MMP27: variants seen among roughly 807,000 people sequenced by gnomAD.
MMP27 encodes the protein matrix metalloproteinase-27.
In MMP27, 51 loss-of-function variants were observed where a neutral mutation model predicts 48.1. The observed-to-expected ratio is 1.06, with a 90% CI of 0.85 to 1.34. The LOEUF is 1.34. Among genes scored for constraint, MMP27 ranks in the 40% most tolerant of loss-of-function variants. The pLI is 0.00. For missense variants in MMP27, 698 were observed against 619.3 expected (o/e 1.13, Z -1.35); for synonymous variants, 229 against 208.9 (o/e 1.10, Z -0.83).
chr11:102,704,080 C>T (rs1419363774), intron 2 of MMP27, among the ~76,000 whole-genome samples: 2 of 152,148 alleles, frequency 1.3e-5, no homozygotes, highest in Non-Finnish European at 2.9e-5. Flanking sequence ...GGGAAACACC[C>T]TACTTTGCTC....
Position 102,703,006 on chromosome 11 carries a change from C to A in MMP27, c.454G>T (p.Gly152Trp). Reference sequence around the variant, plus strand: ...AAGGCAATCATGATGTCTGCAATCCCCTTTGAAATCTTGGTGAATTTTAGT... The same window carrying A: ...AAGGCAATCATGATGTCTGCAATCCACTTTGAAATCTTGGTGAATTTTAGT... ...TPLKFTKISK[G>W]IADIMIAFRT... Residue 152 changes from glycine (G) to tryptophan (W), a missense_variant, in exon 3 of 10, where the codon GGG (glycine) becomes TGG (tryptophan). Physicochemically the swap from Gly to Trp is radical, Grantham distance 184. Transcript: ENST00000260229. The A allele has an allele frequency of 6.2e-7, 1 of 1,614,144 alleles. No individual in the cohort carries two copies. The highest frequency in any genetic ancestry group is 8.5e-7 in the Non-Finnish European group (1 of 1,180,006).
At position 102,696,730 on chromosome 11, in the gene MMP27, T is replaced by C; in HGVS notation, c.725A>G (p.Asp242Gly). The part of the protein sequence containing the change: ...ALMFPNYVSL[D>G]PRKYPLSQDD... ...CTGAGAAAGTGGGTATTTTCTGGGA[T>C]CCAGGGAGACATAATTTGGGAACAT... is the stretch of plus-strand genomic sequence containing the variant. The change falls in exon 5 of 10, where the codon GAT becomes GGT. Residue 242 changes from aspartate to glycine, a missense_variant. By Grantham distance (94) the Asp-to-Gly change is moderately conservative. Transcript: ENST00000260229. The C allele has an allele frequency of 6.2e-7, 1 of 1,613,908 alleles. No individual in the cohort carries two copies. The highest frequency in any genetic ancestry group is 1.1e-5 in the South Asian group (1 of 91,062).
intron 6 of MMP27, 133 bp from the exon 7 acceptor site, chr11:102,695,230 C>T (rs1860802630): frequency 9.4e-7 from 1 of 1,060,922 alleles, no homozygotes; most frequent in Non-Finnish European, 1.4e-6. Flanking sequence ...GCATAATTTT[C>T]CCCAGTAAAT....
rs146002313 is a variant in MMP27 at position 102,704,601 on chromosome 11, C to T, written c.277G>A (p.Val93Met). 2.2e-5 allele frequency: 35 copies of T among 1,614,170 alleles called. No homozygotes were observed. The highest frequency in any genetic ancestry group is 3.3e-4 in the Middle Eastern group (2 of 6,062). Reference sequence around the variant, plus strand: ...TAGCCATACTGGCCCACATCAGGCACCCCACACCTGGGTGTCTTCATGATC... The same window carrying T: ...TAGCCATACTGGCCCACATCAGGCATCCCACACCTGGGTGTCTTCATGATC... The part of the protein sequence containing the change: ...LEIMKTPRCG[V>M]PDVGQYGYTL... The change falls in exon 2 of 10, where the codon GTG (valine) becomes ATG (methionine). Residue 93 changes from valine (V) to methionine (M), a missense_variant. Coordinates refer to ENST00000260229, the MANE Select transcript of MMP27 (RefSeq NM_022122.3).
At chr11:102,695,367 T>C (rs1239026959) in intron 6 of MMP27, among the ~76,000 whole-genome samples, 1 of 152,216 alleles carries the variant, frequency 6.6e-6, no homozygotes, top group Admixed American at 6.5e-5. Flanking sequence ...GAGTGCTCAA[T>C]GGTTTTGTTT....
rs1198664421 is a variant in MMP27 at position 102,692,161 on chromosome 11, T to G, written c.1298-151A>C. 9 of 669,814 alleles carry G rather than the reference T, an allele frequency of 1.3e-5. No individual in the cohort carries two copies. The East Asian group carries it at 2.7e-4, about 20-fold the overall frequency. 41.5% of individuals were successfully genotyped at this position (669,814 alleles called of 1,614,324 possible). On this transcript the variant is annotated intron_variant, in intron 9 of 9. Coordinates refer to ENST00000260229, the MANE Select transcript of MMP27 (RefSeq NM_022122.3). ...TACATTTTAGTTTTCTACTGTCATGTGGGAAATCCTATTATTTTTATTTCC... is the reference window on the plus strand; with the variant it reads ...TACATTTTAGTTTTCTACTGTCATGGGGGAAATCCTATTATTTTTATTTCC...
intron 4 of MMP27, among the ~76,000 whole-genome samples, chr11:102,697,532 G>C (rs969574568): frequency 4.6e-5 from 7 of 151,748 alleles, no homozygotes; most frequent in African/African-American, 1.7e-4. Flanking sequence ...TTTGAGGCAG[G>C]GTCTTGCTCT....
intron 4 of MMP27, among the ~76,000 whole-genome samples, chr11:102,697,341 G>T (rs1009063831): frequency 3.3e-5 from 5 of 152,200 alleles, no homozygotes; most frequent in Admixed American, 6.5e-5. Context: ...TGCAGGACTG[G>T]AAGTTGCTCT....
chr11:102,696,423 T>C lies in MMP27; in HGVS notation c.850A>G (p.Thr284Ala), dbSNP rs756896718. 1 of 1,613,774 alleles carries C rather than the reference T, an allele frequency of 6.2e-7. No individual in the cohort carries two copies. The highest frequency in any genetic ancestry group is 1.1e-5 in the South Asian group (1 of 91,076). The change falls in exon 6 of 10, where the codon ACT (threonine) becomes GCT (alanine). Residue 284 changes from threonine (T) to alanine (A), a missense_variant. Transcript: ENST00000260229. ...TIPHACDPDL[T>A]FDAITTFRRE... ...CGGAAAGTTGTGATAGCGTCAAAAG[T>C]CAAGTCAGGGTCACAGGCATGGGGT... is the stretch of plus-strand genomic sequence containing the variant.
intron 4 of MMP27, among the ~76,000 whole-genome samples, chr11:102,699,844 C>T (rs1349656300): frequency 6.6e-6 from 1 of 152,228 alleles, no homozygotes; most frequent in Non-Finnish European, 1.5e-5. Flanking sequence ...TTCTACAATT[C>T]TATTCCTTAT....
rs775376602 is a variant in MMP27, at chr11:102,705,615, GAGCCAGT to G, written c.93_99del (p.Gln31HisfsTer13). 5.2e-6 allele frequency: 8 copies of G among 1,541,650 alleles called. No homozygotes were observed. Among genetic ancestry groups the G allele is most frequent in the Non-Finnish European group, 7.1e-6 (8 of 1,128,380 alleles). On this transcript the variant is annotated frameshift_variant, in exon 1 of 10. Coordinates refer to ENST00000260229, the MANE Select transcript of MMP27 (RefSeq NM_022122.3). LOFTEE classifies it high-confidence loss of function. ...GATATCATTTATTAAGACAGTACCT[GAGCCAGT>G]TGCATATTTTCTTCATTTTCCGTCA...
chr11:102,702,133 C>T (rs1860951447), intron 4 of MMP27, among the ~76,000 whole-genome samples: 1 of 152,116 alleles, frequency 6.6e-6, no homozygotes, highest in Non-Finnish European at 1.5e-5. Flanking sequence ...CCAGGCAGAC[C>T]CATTGAGAAA....
At chr11:102,698,352 C>T (rs1381137908) in intron 4 of MMP27, among the ~76,000 whole-genome samples, 2 of 151,986 alleles carry the variant, frequency 1.3e-5, no homozygotes, top group African/African-American at 2.4e-5. Flanking sequence ...ATCCATAGTC[C>T]ATAGTTGACC....
At chr11:102,700,120 C>T (rs1185690863) in intron 4 of MMP27, among the ~76,000 whole-genome samples, 1 of 152,208 alleles carries the variant, frequency 6.6e-6, no homozygotes, top group Non-Finnish European at 1.5e-5. Flanking sequence ...GCTTCTGTGT[C>T]CTATATACAA....
chr11:102,705,672 A>C lies in MMP27; in HGVS notation c.43T>G (p.Ser15Ala). 1 of 1,606,612 alleles carries C rather than the reference A, an allele frequency of 6.2e-7. No individual in the cohort carries two copies. Among genetic ancestry groups the C allele is most frequent in the South Asian group, 1.1e-5 (1 of 89,018 alleles). The change falls in exon 1 of 10, where the codon TCT becomes GCT. Residue 15 changes from serine (S) to alanine (A), a missense_variant. Coordinates refer to ENST00000260229, the MANE Select transcript of MMP27 (RefSeq NM_022122.3). ...LLLFLFFITF[S>A]SAFPLVRMTE... ...ATCCGGACTAAGGGAAATGCAGAAG[A>C]AAATGTTATAAAGAACAAAAACAGA...
chr11:102,691,862 T>C lies in MMP27; in HGVS notation c.1446A>G (p.Ala482=). 6.2e-7 allele frequency: 1 copy of C among 1,613,562 alleles called. No individual in the cohort carries two copies. The highest frequency in any genetic ancestry group is 8.5e-7 in the Non-Finnish European group (1 of 1,179,716). ...SFGFDINKEK[A]HSGGIKILYH... is the part of the protein sequence containing the mutation. ...ACAATATCTTTATGCCTCCTGAATG[T>C]GCTTTTTCCTTGTTGATATCAAAAC... The change falls in exon 10 of 10, where the codon GCA becomes GCG. Residue 482 remains alanine, a synonymous_variant. Transcript: ENST00000260229.
chr11:102,698,797 C>A (rs1461657752), intron 4 of MMP27, among the ~76,000 whole-genome samples: 1 of 152,120 alleles, frequency 6.6e-6, no homozygotes, highest in African/African-American at 2.4e-5. Context: ...TATTTATTCC[C>A]CAGGACTCCC....
chr11:102,696,672 A>C lies in MMP27; in HGVS notation c.781+2T>G, dbSNP rs368731902. The stretch of plus-strand genomic sequence containing the variant: ...TATATTGAGATTTATAATTTTGCTC[A>C]CCATAGATGGACTGGATTCCATTGA... On this transcript the variant is annotated splice_donor_variant, in intron 5 of 9. Transcript: ENST00000260229. LOFTEE classifies it high-confidence loss of function. 2.5e-6 allele frequency: 4 copies of C among 1,598,372 alleles called. No individual in the cohort carries two copies. Among genetic ancestry groups the C allele is most frequent in the African/African-American group, 2.7e-5 (2 of 73,884 alleles).
intron 4 of MMP27, among the ~76,000 whole-genome samples, chr11:102,701,598 TC>T (rs779360771): frequency 1.2e-4 from 18 of 152,216 alleles, no homozygotes; most frequent in Non-Finnish European, 1.9e-4. Flanking sequence ...CATGGTTCAT[TC>T]CTTTCCTCTC....
Sources: allele counts gnomAD v4.1 joint callset (sites outside exome capture counted in the v4.1 genomes callset), GRCh38; gene constraint gnomAD v4.1.1; transcripts MANE v1.5; gene names NCBI Gene and HGNC (gene_info 2026-07-23, HGNC 2026-07-21).